POU6F2: variants seen among roughly 807,000 people sequenced by gnomAD.
The protein encoded by POU6F2 is POU domain, class 6, transcription factor 2.
POU6F2 carries 31 observed loss-of-function variants against 71.3 expected under a neutral mutation model. That is an observed-to-expected ratio of 0.43 (90% CI 0.33 to 0.59). The LOEUF (loss-of-function observed/expected upper bound fraction) is 0.59. POU6F2 is among the 20% of genes least tolerant of loss of function. POU6F2 has a pLI of 0.04. For synonymous variants in POU6F2, 347 were observed against 355.7 expected, an observed-to-expected ratio of 0.98 and a Z score of 0.27; for missense variants, 783 against 856.8, an observed-to-expected ratio of 0.91 and a Z score of 1.07.
At chr7:39,235,690 G>A (rs1255006564) in intron 4 of POU6F2, among the ~76,000 whole-genome samples, 3 of 152,170 alleles carry the variant, frequency 2.0e-5, no homozygotes, top group Non-Finnish European at 4.4e-5. Flanking sequence ...TCACCTAGGC[G>A]TATTGTAATT....
intron 4 of POU6F2, among the ~76,000 whole-genome samples, chr7:39,322,214 A>AG (rs1785411774): frequency 6.6e-6 from 1 of 152,204 alleles, no homozygotes; most frequent in African/African-American, 2.4e-5. Flanking sequence ...GCAGATGGCC[A>AG]GGAGTGGAGC....
At chr7:39,351,879 C>T (rs757317422) in intron 5 of POU6F2, among the ~76,000 whole-genome samples, 6 of 152,320 alleles carry the variant, frequency 3.9e-5, no homozygotes, top group Admixed American at 6.5e-5. Flanking sequence ...TCACCCACTG[C>T]GCAAATCTGC....
At chr7:39,266,808 G>A (rs957180629) in intron 4 of POU6F2, among the ~76,000 whole-genome samples, 6 of 145,042 alleles carry the variant, frequency 4.1e-5, no homozygotes, top group South Asian at 4.4e-4. Flanking sequence ...GGTAGTTAGC[G>A]TACTCATCAC....
chr7:39,162,586 G>A (rs1314388927), intron 2 of POU6F2, among the ~76,000 whole-genome samples: 1 of 152,178 alleles, frequency 6.6e-6, no homozygotes, highest in Non-Finnish European at 1.5e-5. Context: ...CAAGTTTGAT[G>A]TGAGTCCAAT....
At chr7:39,263,632 T>C (rs1298271346) in intron 4 of POU6F2, among the ~76,000 whole-genome samples, 1 of 151,628 alleles carries the variant, frequency 6.6e-6, no homozygotes, top group Non-Finnish European at 1.5e-5. Context: ...TGGACATGCA[T>C]ACAATTACAT....
intron 2 of POU6F2, among the ~76,000 whole-genome samples, chr7:39,135,964 T>C (rs577190099): frequency 6.6e-6 from 1 of 152,302 alleles, no homozygotes; most frequent in South Asian, 2.1e-4. Context: ...CAAGAACCAA[T>C]GACATTTCTA....
chr7:39,356,013 C>T lies in POU6F2; in HGVS notation c.972+15998C>T, dbSNP rs796977604. Among the ~76,000 whole-genome samples, 16 of 152,190 alleles carry T rather than the reference C, an allele frequency of 1.1e-4. 1 individual carries two copies. The highest frequency in any genetic ancestry group is 2.9e-4 in the African/African-American group (12 of 41,524). On this transcript the variant is annotated intron_variant, in intron 5 of 9. Transcript: ENST00000518318. ...CCTGGTCAGAGAAGTCAGGGGCTGT[C>T]GAGCTTCACATCCAAAGTACCTGGA...
At chr7:39,387,840 G>T (rs568505187) in intron 5 of POU6F2, among the ~76,000 whole-genome samples, 1 of 152,310 alleles carries the variant, frequency 6.6e-6, no homozygotes, top group African/African-American at 2.4e-5. Context: ...CTAAGATCCA[G>T]CCATGGCCTC....
intron 1 of POU6F2, among the ~76,000 whole-genome samples, chr7:39,027,957 A>G (rs935443887): frequency 1.3e-5 from 2 of 152,200 alleles, no homozygotes; most frequent in African/African-American, 4.8e-5. Flanking sequence ...TATTCCTACA[A>G]TGCAATATTT....
At chr7:39,229,959 C>T (rs1231799462) in intron 4 of POU6F2, among the ~76,000 whole-genome samples, 4 of 152,224 alleles carry the variant, frequency 2.6e-5, no homozygotes, top group African/African-American at 9.7e-5. Flanking sequence ...GCCACAGGCA[C>T]CCTGTCCAGG....
intron 3 of POU6F2, among the ~76,000 whole-genome samples, 158 bp from the exon 4 acceptor site, chr7:39,207,233 AT>A (rs1218233461): frequency 6.6e-6 from 1 of 152,114 alleles, no homozygotes; most frequent in Non-Finnish European, 1.5e-5. Context: ...AACTTTGAAA[AT>A]TTTTTTCTAC....
intron 4 of POU6F2, among the ~76,000 whole-genome samples, chr7:39,298,964 C>T (rs1784902869): frequency 6.6e-6 from 1 of 152,034 alleles, no homozygotes; most frequent in Admixed American, 6.6e-5. Flanking sequence ...AATGAGAACA[C>T]ACGGACACAG....
chr7:39,004,869 G>A (rs1448440531), intron 1 of POU6F2, among the ~76,000 whole-genome samples: 1 of 152,142 alleles, frequency 6.6e-6, no homozygotes, highest in Non-Finnish European at 1.5e-5. Flanking sequence ...ATTTGCTATA[G>A]GACTTGCCCT....
At position 39,038,569 on chromosome 7, in the gene POU6F2, G is replaced by A. The variant is rs1381468528; in HGVS notation, c.106-47291G>A. On this transcript the variant is annotated intron_variant, in intron 1 of 9. Coordinates refer to ENST00000518318, the MANE Select transcript of POU6F2 (RefSeq NM_001370959.1). ...AGCCTTAAGGCAATTTGAATCTTGGGGAAATATCTCCTCATTTTTCATTCT... is the reference window on the plus strand; with the variant it reads ...AGCCTTAAGGCAATTTGAATCTTGGAGAAATATCTCCTCATTTTTCATTCT... Among the ~76,000 whole-genome samples, 3 of 151,844 alleles carry A rather than the reference G, an allele frequency of 2.0e-5. No individual in the cohort carries two copies. The East Asian group carries it at 5.8e-4, about 30-fold the overall frequency.
chr7:39,006,947 C>T lies in POU6F2; in HGVS notation c.105+28889C>T, dbSNP rs763022910. 87 of 1,407,798 alleles carry T rather than the reference C, an allele frequency of 6.2e-5. No homozygotes were observed. In the East Asian group the frequency reaches 7.1e-4, roughly 11 times the overall value. 87.2% of individuals were successfully genotyped at this position (1,407,798 alleles called of 1,614,324 possible). A position where few individuals can be genotyped will look rare whatever the true frequency, so the allele number is the denominator to read the frequency against. On this transcript the variant is annotated intron_variant, in intron 1 of 9. Coordinates refer to ENST00000518318, the MANE Select transcript of POU6F2 (RefSeq NM_001370959.1). ...AATCTGTGAGTTTATTGTATAAAAT[C>T]GGAGGGAAATAATTGTCATGTTTCC... is the stretch of plus-strand genomic sequence containing the variant.
At chr7:39,227,282 TC>T (rs1794481459) in intron 4 of POU6F2, among the ~76,000 whole-genome samples, 1 of 152,202 alleles carries the variant, frequency 6.6e-6, no homozygotes. Context: ...CCTTTTTTTT[TC>T]CATCGAGTTT....
At chr7:39,244,706 A>C (rs1783791313) in intron 4 of POU6F2, among the ~76,000 whole-genome samples, 1 of 152,150 alleles carries the variant, frequency 6.6e-6, no homozygotes, top group Non-Finnish European at 1.5e-5. Flanking sequence ...CATCTATCCC[A>C]TGAAGGTCCA....
At chr7:39,150,143 G>A (rs538916836) in intron 2 of POU6F2, among the ~76,000 whole-genome samples, 4 of 151,644 alleles carry the variant, frequency 2.6e-5, no homozygotes, top group Admixed American at 2.6e-4. Flanking sequence ...CGCCTGCCTC[G>A]GCCTCTCAAA....
intron 2 of POU6F2, among the ~76,000 whole-genome samples, chr7:39,143,382 C>A (rs965447951): frequency 6.6e-6 from 1 of 152,174 alleles, no homozygotes; most frequent in African/African-American, 2.4e-5. Flanking sequence ...ACTATGGTTT[C>A]CTGAGAACTG....
Sources: gnomAD v4.1 joint callset for allele counts (sites outside exome capture counted in the v4.1 genomes callset) on GRCh38, gnomAD v4.1.1 for gene constraint, MANE v1.5 for transcripts, NCBI Gene and HGNC (gene_info 2026-07-23, HGNC 2026-07-21) for gene names.